The following CHIT1 variants were observed in gnomAD, a reference collection of about 807,000 sequenced individuals.
CHIT1 encodes chitotriosidase-1.
Under a neutral mutation model 52.0 loss-of-function variants are expected in CHIT1, and 47 were observed. That is an observed-to-expected ratio of 0.90 (90% CI 0.71 to 1.15). The LOEUF (loss-of-function observed/expected upper bound fraction) is 1.15, where lower values mean the gene tolerates loss of function less well. CHIT1 is among the 50% of genes most tolerant of loss of function. CHIT1 has a pLI of 0.00. For synonymous variants in CHIT1, 242 were observed against 228.2 expected, an observed-to-expected ratio of 1.06 and a Z score of -0.54; for missense variants, 569 against 583.0, an observed-to-expected ratio of 0.98 and a Z score of 0.25.
chr1:203,220,409 T>C (rs1242763713), intron 7 of CHIT1, among the ~76,000 whole-genome samples: 1 of 152,218 alleles, frequency 6.6e-6, no homozygotes, highest in African/African-American at 2.4e-5. Flanking sequence ...GTCTGCTTTA[T>C]TTATCTCTGT....
Position 203,225,817 on chromosome 1 carries a change from C to A in CHIT1, c.109G>T (p.Gly37Trp), listed in dbSNP as rs936359070. ...YFTNWAQYRQ[G>W]EARFLPKDLD... ...TCCTTGGGCAGGAAGCGAGCCTCCCCCTGTCTGTACTGGGCCCAGTTGGTG... is the reference window on the plus strand; with the variant it reads ...TCCTTGGGCAGGAAGCGAGCCTCCCACTGTCTGTACTGGGCCCAGTTGGTG... Residue 37 changes from glycine (G) to tryptophan (W), a missense_variant, in exon 3 of 11, where the codon GGG becomes TGG. Coordinates refer to ENST00000367229, the MANE Select transcript of CHIT1 (RefSeq NM_003465.3). 2 of 1,614,030 alleles carry A rather than the reference C, an allele frequency of 1.2e-6. No homozygotes were observed. Among genetic ancestry groups the A allele is most frequent in the African/African-American group, 2.7e-5 (2 of 74,904 alleles).
intron 6 of CHIT1, among the ~76,000 whole-genome samples, chr1:203,222,825 A>G (rs990203376): frequency 6.6e-6 from 1 of 152,176 alleles, no homozygotes; most frequent in Non-Finnish European, 1.5e-5. Context: ...TTTCTTGAAG[A>G]CAATGGCTTC....
chr1:203,225,486 C>G (rs964209458), intron 3 of CHIT1, among the ~76,000 whole-genome samples, 183 bp downstream of exon 3: 6 of 152,104 alleles, frequency 3.9e-5, no homozygotes, highest in Non-Finnish European at 8.8e-5. Flanking sequence ...CTTTGGGATC[C>G]CCTAAGCAAA....
Position 203,219,868 on chromosome 1 carries a change from G to A in CHIT1, c.730-19C>T. ...CAGCATCCTGGTGGAAGAGGGCAGG[G>A]TTAATTTTCTCAGCCCTCAGCCTGG... On this transcript the variant is annotated intron_variant, in intron 7 of 10. Coordinates refer to ENST00000367229, the MANE Select transcript of CHIT1 (RefSeq NM_003465.3). 6.2e-7 allele frequency: 1 copy of A among 1,611,648 alleles called. No individual in the cohort carries two copies. The highest frequency in any genetic ancestry group is 8.5e-7 in the Non-Finnish European group (1 of 1,179,712).
At chr1:203,218,042 G>T in intron 9 of CHIT1, 177 bp from the exon 10 acceptor site, 1 of 1,530,702 alleles carries the variant, frequency 6.5e-7, no homozygotes, top group Non-Finnish European at 8.7e-7. Context: ...TCCTCATGCT[G>T]CTTGGACATC....
In CHIT1 at chr1:203,228,486, C is replaced by A; in HGVS notation, c.55+47G>T. ...AGGGAAGGTGTTTTGGGACATTAAG[C>A]AGAGCCCAGGGAAGGGGCTGAGGCA... On this transcript the variant is annotated intron_variant, in intron 2 of 10. Coordinates refer to ENST00000367229, the MANE Select transcript of CHIT1 (RefSeq NM_003465.3). 1.9e-6 allele frequency: 3 copies of A among 1,562,394 alleles called. No individual in the cohort carries two copies. The South Asian group carries it at 3.5e-5, about 18-fold the overall frequency.
In CHIT1 at chr1:203,217,622, T is replaced by C; in HGVS notation, c.1156+117A>G. Reference sequence around the variant, plus strand: ...GTACATGAAGCTTGGGAAATTACAGTATTGGGGCAAAGTCATTTCCTCAGA... The same window carrying C: ...GTACATGAAGCTTGGGAAATTACAGCATTGGGGCAAAGTCATTTCCTCAGA... On this transcript the variant is annotated intron_variant, in intron 10 of 10. Transcript: ENST00000367229. The C allele has an allele frequency of 4.0e-6, 6 of 1,517,156 alleles. 1 individual carries two copies. In the South Asian group the frequency reaches 7.0e-5, roughly 18 times the overall value. The allele number at this position is 1,517,156 out of a possible 1,614,324, so 94.0% of individuals were successfully genotyped here. A position where few individuals can be genotyped will look rare whatever the true frequency, so the allele number is the denominator to read the frequency against.
Position 203,217,822 on chromosome 1 carries a change from C to CAGACCATGGCCCCACCCAGTCCCT in CHIT1, c.1072_1073insAGGGACTGGGTGGGGCCATGGTCT (p.Val357_Trp358insTer). ...GGCAAAGTCATCTAAGTCCAGTGCC[C>CAGACCATGGCCCCACCCAGTCCCT]AGACCATGGCCCCGCCCAGTCCCTT... is the stretch of plus-strand genomic sequence containing the variant. On this transcript the variant is annotated stop_gained, in exon 10 of 11. Coordinates refer to ENST00000367229, the MANE Select transcript of CHIT1 (RefSeq NM_003465.3). LOFTEE classifies it high-confidence loss of function. 1.2e-6 allele frequency: 2 copies of CAGACCATGGCCCCACCCAGTCCCT among 1,612,414 alleles called. No individual in the cohort carries two copies. Among genetic ancestry groups the CAGACCATGGCCCCACCCAGTCCCT allele is most frequent in the South Asian group, 1.1e-5 (1 of 90,766 alleles).
intron 1 of CHIT1, among the ~76,000 whole-genome samples, chr1:203,228,993 C>T (rs1053262656): frequency 4.6e-5 from 7 of 152,178 alleles, no homozygotes; most frequent in Admixed American, 2.0e-4. Flanking sequence ...AGGGCCTGTG[C>T]CTCTGCTCCC....
In CHIT1 at chr1:203,223,171, T is replaced by C. The variant is rs372266737; in HGVS notation, c.569A>G (p.Tyr190Cys). 13 of 1,614,064 alleles carry C rather than the reference T, an allele frequency of 8.1e-6. No individual in the cohort carries two copies. Among genetic ancestry groups the C allele is most frequent in the African/African-American group, 8.0e-5 (6 of 74,934 alleles). Residue 190 changes from tyrosine to cysteine, a missense_variant, in exon 6 of 11, where the codon TAT becomes TGT. Coordinates refer to ENST00000367229, the MANE Select transcript of CHIT1 (RefSeq NM_003465.3). ...GTCCACCTCGTATCCAGCATCCACATAGGTCTGCCCAGCTGGAACCGCTGC... is the reference window on the plus strand; with the variant it reads ...GTCCACCTCGTATCCAGCATCCACACAGGTCTGCCCAGCTGGAACCGCTGC... ...LSAAVPAGQT[Y>C]VDAGYEVDKI...
chr1:203,227,540 C>T (rs1011595899), intron 2 of CHIT1, among the ~76,000 whole-genome samples: 2 of 152,206 alleles, frequency 1.3e-5, no homozygotes, highest in Non-Finnish European at 2.9e-5. Flanking sequence ...ACTCGCTGTG[C>T]GACTCAGCTT....
intron 9 of CHIT1, chr1:203,218,124 G>A: frequency 3.5e-6 from 5 of 1,447,112 alleles, no homozygotes; most frequent in East Asian, 3.2e-5. Flanking sequence ...GGGAGGAATA[G>A]TGTCAGTTGT....
intron 4 of CHIT1, 125 bp from the exon 5 acceptor site, chr1:203,223,785 G>A: frequency 1.0e-6 from 1 of 987,772 alleles, no homozygotes; most frequent in Non-Finnish European, 1.6e-6. Context: ...AGGGGCACTG[G>A]GAGGGCTGCT....
intron 1 of CHIT1, 132 bp downstream of exon 1, chr1:203,229,480 G>A: frequency 2.0e-6 from 2 of 984,474 alleles, no homozygotes; most frequent in Admixed American, 2.0e-5. Context: ...GGCATGGAGA[G>A]GGATAAAATG....
At position 203,219,861 on chromosome 1, in the gene CHIT1, G is replaced by C; in HGVS notation, c.730-12C>G. On this transcript the variant is annotated splice_polypyrimidine_tract_variant and intron_variant, in intron 7 of 10. Transcript: ENST00000367229. ...TGCACAGCAGCATCCTGGTGGAAGA[G>C]GGCAGGGTTAATTTTCTCAGCCCTC... 6.2e-7 allele frequency: 1 copy of C among 1,611,826 alleles called. No homozygotes were observed. The highest frequency in any genetic ancestry group is 8.5e-7 in the Non-Finnish European group (1 of 1,179,796).
chr1:203,225,515 G>A (rs1382537450), intron 3 of CHIT1, among the ~76,000 whole-genome samples, 154 bp downstream of exon 3: 1 of 152,274 alleles, frequency 6.6e-6, no homozygotes. Flanking sequence ...CTTTCATTAA[G>A]CACAGGAGAG....
chr1:203,224,944 C>T (rs1346236353), intron 4 of CHIT1, 104 bp downstream of exon 4: 2 of 1,079,890 alleles, frequency 1.9e-6, no homozygotes, highest in Non-Finnish European at 2.8e-6. Flanking sequence ...TTTCCCCTGA[C>T]CACACCTCAG....
chr1:203,227,240 A>G (rs1656960525), intron 2 of CHIT1, among the ~76,000 whole-genome samples: 1 of 152,130 alleles, frequency 6.6e-6, no homozygotes, highest in Admixed American at 6.5e-5. Context: ...CTCTAACCAG[A>G]GGTCACCCAG....
chr1:203,219,285 C>A lies in CHIT1; in HGVS notation c.960G>T (p.Gln320His). ...TGTCCCGGAAGATGTAGGGCACCTT[C>A]TGATCCTGGATTCTCTGTTTGGTGG... ...KGATKQRIQDQKVPYIFRDNQ... is the reference protein window; with the variant it reads ...KGATKQRIQDHKVPYIFRDNQ... The change falls in exon 9 of 11, where the codon CAG becomes CAT. Residue 320 changes from glutamine to histidine, a missense_variant. Transcript: ENST00000367229. The A allele has an allele frequency of 6.2e-7, 1 of 1,613,514 alleles. No individual in the cohort carries two copies. The highest frequency in any genetic ancestry group is 8.5e-7 in the Non-Finnish European group (1 of 1,179,384).
Sources: allele counts gnomAD v4.1 joint callset (sites outside exome capture counted in the v4.1 genomes callset), GRCh38; gene constraint gnomAD v4.1.1; transcripts MANE v1.5; gene names NCBI Gene and HGNC (gene_info 2026-07-23, HGNC 2026-07-21).